The following KIAA1217 variants were observed in gnomAD, a reference collection of about 807,000 sequenced individuals.
KIAA1217 encodes the protein KIAA1217.
KIAA1217 carries 88 observed loss-of-function variants against 163.9 expected under a neutral mutation model. The observed-to-expected ratio is 0.54, with a 90% CI of 0.45 to 0.64. The LOEUF (loss-of-function observed/expected upper bound fraction) is 0.64, where lower values mean the gene tolerates loss of function less well. Among genes scored for constraint, KIAA1217 ranks in the 30% least tolerant of loss-of-function variants. The pLI is 0.00. For missense variants in KIAA1217, 2,372 were observed against 2,475.0 expected (o/e 0.96, Z 0.88); for synonymous variants, 903 against 923.1 (o/e 0.98, Z 0.39).
intron 9 of KIAA1217, among the ~76,000 whole-genome samples, chr10:24,504,135 C>G (rs939028490): frequency 1.3e-5 from 2 of 152,186 alleles, no homozygotes; most frequent in Non-Finnish European, 2.9e-5. Context: ...CCTTGCAACC[C>G]TTGAACTGTG....
intron 2 of KIAA1217, among the ~76,000 whole-genome samples, chr10:24,036,009 G>C (rs955415684): frequency 6.6e-6 from 1 of 152,184 alleles, no homozygotes; most frequent in Non-Finnish European, 1.5e-5. Flanking sequence ...CGCATTACCA[G>C]GTAGAGCTGC....
At chr10:24,411,408 T>C (rs2057758958) in intron 3 of KIAA1217, among the ~76,000 whole-genome samples, 1 of 152,204 alleles carries the variant, frequency 6.6e-6, no homozygotes, top group Non-Finnish European at 1.5e-5. Flanking sequence ...AATTAATGGA[T>C]CTTTATAGTT....
chr10:24,174,090 G>C (rs933310165), intron 2 of KIAA1217, among the ~76,000 whole-genome samples: 1 of 152,188 alleles, frequency 6.6e-6, no homozygotes, highest in Admixed American at 6.5e-5. Context: ...CTGACTTCCG[G>C]AGAAGGGGCT....
At chr10:24,269,176 A>T (rs1193323811) in intron 2 of KIAA1217, among the ~76,000 whole-genome samples, 1 of 147,776 alleles carries the variant, frequency 6.8e-6, no homozygotes, top group Non-Finnish European at 1.5e-5. Flanking sequence ...AACCTGCACA[A>T]TGTGCACATG....
At chr10:24,251,882 G>GTT (rs2074588695) in intron 2 of KIAA1217, among the ~76,000 whole-genome samples, 1 of 145,694 alleles carries the variant, frequency 6.9e-6, no homozygotes, top group African/African-American at 2.5e-5. Flanking sequence ...AAAAAAAAAG[G>GTT]GGCGGGGAGC....
chr10:24,475,451 T>G (rs971754412), intron 6 of KIAA1217, among the ~76,000 whole-genome samples: 1 of 152,206 alleles, frequency 6.6e-6, no homozygotes, highest in African/African-American at 2.4e-5. Flanking sequence ...AATCCCTTCT[T>G]ACTTGTTCAG....
chr10:24,311,663 G>A (rs916522252), intron 2 of KIAA1217, among the ~76,000 whole-genome samples: 1 of 152,134 alleles, frequency 6.6e-6, no homozygotes, highest in Non-Finnish European at 1.5e-5. Flanking sequence ...ATGCTGGGCG[G>A]TACTGCAGTG....
At chr10:24,206,165 T>C (rs1375141605), upstream of KIAA1217, among the ~76,000 whole-genome samples, 2 of 152,196 alleles carry the variant, frequency 1.3e-5, no homozygotes. Flanking sequence ...CCTCCTGGTA[T>C]TATTATTATT....
chr10:23,790,163 A>ACATATGCATATACG, intron 1 of KIAA1217, among the ~76,000 whole-genome samples: 1 of 61,246 alleles, frequency 1.6e-5, no homozygotes, highest in East Asian at 4.5e-4. Flanking sequence ...ATGCATATAC[A>ACATATGCATATACG]CATATACACA....
intron 1 of KIAA1217, among the ~76,000 whole-genome samples, chr10:23,813,819 G>A (rs904043145): frequency 9.2e-5 from 14 of 152,044 alleles, no homozygotes; most frequent in Non-Finnish European, 1.3e-4. Flanking sequence ...CAGAAAGTGC[G>A]TCAGTTCACA....
intron 2 of KIAA1217, among the ~76,000 whole-genome samples, chr10:24,131,885 A>G (rs2063664846): frequency 6.6e-6 from 1 of 152,228 alleles, no homozygotes; most frequent in Admixed American, 6.5e-5. Flanking sequence ...GTGTATCATT[A>G]GAGTCTAGCC....
At chr10:24,127,396 G>A (rs1283387047) in intron 2 of KIAA1217, among the ~76,000 whole-genome samples, 41 of 152,064 alleles carry the variant, frequency 2.7e-4, no homozygotes, top group Non-Finnish European at 8.8e-5. Flanking sequence ...TTCTGAAATC[G>A]TGCAAATGTC....
chr10:24,283,987 G>C (rs1295079788), intron 2 of KIAA1217, among the ~76,000 whole-genome samples: 1 of 151,448 alleles, frequency 6.6e-6, no homozygotes, highest in Non-Finnish European at 1.5e-5. Context: ...TCAGCTCACT[G>C]CAGCCTCCAC....
intron 1 of KIAA1217, among the ~76,000 whole-genome samples, chr10:23,726,949 A>T: frequency 6.9e-6 from 1 of 145,452 alleles, no homozygotes; most frequent in Admixed American, 6.8e-5. Flanking sequence ...ATTTAATTCC[A>T]TGCCATTTCC....
chr10:24,434,025 C>CTTTTTTT (rs569791889), intron 4 of KIAA1217, among the ~76,000 whole-genome samples: 2 of 72,634 alleles, frequency 2.8e-5, no homozygotes, highest in Non-Finnish European at 4.6e-5. Context: ...CTCTCTCTCT[C>CTTTTTTT]TTTTTTTTTT....
intron 1 of KIAA1217, among the ~76,000 whole-genome samples, chr10:23,774,110 T>C (rs2130886595): frequency 6.6e-6 from 1 of 152,298 alleles, no homozygotes; most frequent in Middle Eastern, 3.4e-3. Flanking sequence ...CATAGATAGC[T>C]CTTATTATTT....
chr10:23,858,235 G>A (rs1161379575), intron 1 of KIAA1217, among the ~76,000 whole-genome samples: 1 of 152,086 alleles, frequency 6.6e-6, no homozygotes, highest in African/African-American at 2.4e-5. Context: ...GGATGGGGAA[G>A]AGCAGTGATT....
chr10:24,054,346 A>G (rs1021834346), intron 2 of KIAA1217, among the ~76,000 whole-genome samples: 1 of 152,194 alleles, frequency 6.6e-6, no homozygotes, highest in African/African-American at 2.4e-5. Flanking sequence ...TCACCAGTAT[A>G]TGAGTGCTAT....
At chr10:24,086,069 A>G (rs979796827) in intron 2 of KIAA1217, among the ~76,000 whole-genome samples, 1 of 151,870 alleles carries the variant, frequency 6.6e-6, no homozygotes, top group Admixed American at 6.6e-5. Flanking sequence ...AACACCCCTG[A>G]TTGATGCCCC....
Sources: gnomAD v4.1 joint callset for allele counts (sites outside exome capture counted in the v4.1 genomes callset) on GRCh38, gnomAD v4.1.1 for gene constraint, MANE v1.5 for transcripts, NCBI Gene and HGNC (gene_info 2026-07-23, HGNC 2026-07-21) for gene names.